Variants in PRKN observed in about 807,000 individuals in gnomAD.
PRKN encodes E3 ubiquitin-protein ligase parkin.
A neutral mutation model predicts 59.5 loss-of-function variants in PRKN; 56 were observed. That is an observed-to-expected ratio of 0.94 (90% CI 0.76 to 1.18). PRKN has a LOEUF of 1.18. PRKN is among the 50% of genes most tolerant of loss of function. PRKN has a pLI of 0.00. For missense variants in PRKN, 657 were observed against 596.4 expected (o/e 1.10, Z -1.06); for synonymous variants, 250 against 222.1 (o/e 1.13, Z -1.12).
intron 2 of PRKN, among the ~76,000 whole-genome samples, chr6:162,394,039 T>C (rs1406138704): frequency 6.6e-6 from 1 of 152,186 alleles, no homozygotes; most frequent in Non-Finnish European, 1.5e-5. Context: ...TTTTCAAAAG[T>C]ATCCAAAATT....
chr6:162,179,968 C>CTGTGTGTGTGTGTG (rs61592555), intron 4 of PRKN, among the ~76,000 whole-genome samples: 3,467 of 139,530 alleles, frequency 0.025, 73 homozygotes, highest in Middle Eastern at 0.067. Flanking sequence ...TATCTTATTA[C>CTGTGTGTGTGTGTG]TGTGTGTGTG....
rs1787688160 is a variant in PRKN, at chr6:161,413,495, G to A, written c.1084-26618C>T. Among the ~76,000 whole-genome samples, 1 of 152,340 alleles carries A rather than the reference G, an allele frequency of 6.6e-6. No individual in the cohort carries two copies. Among genetic ancestry groups the A allele is most frequent in the Non-Finnish European group, 1.5e-5 (1 of 68,036 alleles). ...CTGGGAATGGAAGCCAAGTGGGCAT[G>A]CTGCAGTGAGAACTGGGGGAGAAGG... On this transcript the variant is annotated intron_variant, in intron 9 of 11. Transcript: ENST00000366898. The surrounding 1 kb of genome is among the most constrained non-coding windows in gnomAD (Gnocchi z 4.4).
intron 2 of PRKN, among the ~76,000 whole-genome samples, chr6:162,322,564 CAA>C (rs1247410696): frequency 6.6e-6 from 1 of 152,010 alleles, no homozygotes; most frequent in Non-Finnish European, 1.5e-5. Flanking sequence ...GAAATCAAGA[CAA>C]TGTGGAATTG....
intron 7 of PRKN, among the ~76,000 whole-genome samples, chr6:161,748,739 A>G (rs1569837): frequency 1.3e-5 from 2 of 152,252 alleles, no homozygotes; most frequent in Admixed American, 6.5e-5. Flanking sequence ...CGGGGAGTGT[A>G]TGGAGAGCCA....
chr6:161,558,961 A>G (rs1307373363), intron 8 of PRKN, among the ~76,000 whole-genome samples: 1 of 151,326 alleles, frequency 6.6e-6, no homozygotes, highest in African/African-American at 2.4e-5. Context: ...TGAATTGGCT[A>G]GAGAAAGGGC....
At chr6:162,538,415 TA>T (rs934806612) in intron 1 of PRKN, among the ~76,000 whole-genome samples, 1 of 151,310 alleles carries the variant, frequency 6.6e-6, no homozygotes, top group South Asian at 2.1e-4. Flanking sequence ...TAAATAAAAT[TA>T]AAAAAAAGAA....
At chr6:162,692,155 T>TA (rs11311324) in intron 1 of PRKN, among the ~76,000 whole-genome samples, 79 of 135,154 alleles carry the variant, frequency 5.8e-4, no homozygotes, top group Middle Eastern at 3.6e-3. Context: ...TAAAGTATAA[T>TA]AAAAAAAAAA....
At chr6:162,301,940 T>G (rs1005939868) in intron 2 of PRKN, among the ~76,000 whole-genome samples, 1 of 152,144 alleles carries the variant, frequency 6.6e-6, no homozygotes, top group African/African-American at 2.4e-5. Flanking sequence ...CTACGCAATA[T>G]TCTCATTCTG....
At chr6:162,063,281 C>T (rs1463133036) in intron 4 of PRKN, among the ~76,000 whole-genome samples, 1 of 152,106 alleles carries the variant, frequency 6.6e-6, no homozygotes, top group Non-Finnish European at 1.5e-5. Flanking sequence ...CAGACATAAA[C>T]ACACCAGTTA....
chr6:161,794,864 A>G (rs1436987226), intron 6 of PRKN, among the ~76,000 whole-genome samples: 1 of 152,154 alleles, frequency 6.6e-6, no homozygotes, highest in Non-Finnish European at 1.5e-5. Flanking sequence ...TTACATTTAG[A>G]AAGTATTGCT....
chr6:161,503,071 C>T lies in PRKN; in HGVS notation c.1083+45783G>A, dbSNP rs1472145970. Among the ~76,000 whole-genome samples the T allele has an allele frequency of 1.3e-5, 2 of 152,000 alleles. No individual in the cohort carries two copies. Among genetic ancestry groups the T allele is most frequent in the African/African-American group, 4.8e-5 (2 of 41,368 alleles). Reference sequence around the variant, plus strand: ...ATCTTACTATTTTATGGTTGATGAACGAATGGTTCTAGTGACTTTCAGGGT... The same window carrying T: ...ATCTTACTATTTTATGGTTGATGAATGAATGGTTCTAGTGACTTTCAGGGT... On this transcript the variant is annotated intron_variant, in intron 9 of 11. Transcript: ENST00000366898. The surrounding 1 kb of genome is among the most constrained non-coding windows in gnomAD (Gnocchi z 5.1).
chr6:162,439,223 T>C (rs1364646189), intron 2 of PRKN, among the ~76,000 whole-genome samples: 2 of 152,148 alleles, frequency 1.3e-5, no homozygotes, highest in Non-Finnish European at 2.9e-5. Flanking sequence ...ATGTTTTCTA[T>C]GTTGCTAGGC....
At chr6:162,212,558 C>T (rs144645871) in intron 3 of PRKN, among the ~76,000 whole-genome samples, 58 of 152,330 alleles carry the variant, frequency 3.8e-4, no homozygotes, top group African/African-American at 1.4e-3. Context: ...TTTGAGAATG[C>T]TGCAGAGTCA....
At chr6:162,362,403 A>T (rs1785188916) in intron 2 of PRKN, among the ~76,000 whole-genome samples, 1 of 152,188 alleles carries the variant, frequency 6.6e-6, no homozygotes. Context: ...ACCTATCTTT[A>T]AAAAAGTAAT....
intron 9 of PRKN, among the ~76,000 whole-genome samples, chr6:161,477,394 A>G (rs9364597): frequency 0.58 from 87,479 of 151,246 alleles, 26,507 homozygotes; most frequent in Middle Eastern, 0.71. Flanking sequence ...GCACATGCCT[A>G]TAATCCCAGC....
chr6:162,651,007 A>T (rs1366752508), intron 1 of PRKN, among the ~76,000 whole-genome samples: 1 of 152,182 alleles, frequency 6.6e-6, no homozygotes, highest in Non-Finnish European at 1.5e-5. Flanking sequence ...AAGGAGAGGA[A>T]AGATAAGAAA....
chr6:161,630,552 T>C (rs1486046501), intron 7 of PRKN, among the ~76,000 whole-genome samples: 1 of 152,184 alleles, frequency 6.6e-6, no homozygotes, highest in East Asian at 1.9e-4. Context: ...AATTACATTG[T>C]TTTAAGATGT....
chr6:162,562,817 C>T (rs778029726), intron 1 of PRKN, among the ~76,000 whole-genome samples: 8 of 152,082 alleles, frequency 5.3e-5, no homozygotes, highest in Non-Finnish European at 1.0e-4. Flanking sequence ...ATTATAAAAC[C>T]CCAGGGCCTT....
At chr6:162,574,767 G>T (rs9456799) in intron 1 of PRKN, among the ~76,000 whole-genome samples, 43,363 of 132,376 alleles carry the variant, frequency 0.33, 6,951 homozygotes, top group East Asian at 0.58. Flanking sequence ...ATACTAAGTT[G>T]TTTTTTTTTT....
Sources: allele counts gnomAD v4.1 joint callset (sites outside exome capture counted in the v4.1 genomes callset), GRCh38; gene constraint gnomAD v4.1.1; non-coding constraint Gnocchi (gnomAD v3.1); transcripts MANE v1.5; gene names NCBI Gene and HGNC (gene_info 2026-07-23, HGNC 2026-07-21).